Variants in GCN1 observed in about 807,000 individuals in gnomAD.
GCN1 encodes the protein stalled ribosome sensor GCN1.
In GCN1, 90 loss-of-function variants were observed where a neutral mutation model predicts 288.4. The observed-to-expected ratio is 0.31, with a 90% CI of 0.26 to 0.37. The LOEUF (loss-of-function observed/expected upper bound fraction) is 0.37. GCN1 is among the 10% of genes least tolerant of loss of function. The pLI, the probability that GCN1 is intolerant of heterozygous loss-of-function variation, is 1.00. For synonymous variants in GCN1, 1,386 were observed against 1,420.2 expected (o/e 0.98, Z 0.54); for missense variants, 2,586 against 3,419.9 (o/e 0.76, Z 6.08).
At position 120,156,332 on chromosome 12, in the gene GCN1, G is replaced by T; in HGVS notation, c.3312+129C>A. The stretch of plus-strand genomic sequence containing the variant: ...TGATTCTCAGAGAGACCCCAACCAT[G>T]TGACTTCTTCTCTTTGCCTCTAGGC... On this transcript the variant is annotated intron_variant, in intron 28 of 57. Coordinates refer to ENST00000300648, the MANE Select transcript of GCN1 (RefSeq NM_006836.2). The surrounding 1 kb of genome is among the most constrained non-coding windows in gnomAD (Gnocchi z 5.8). 2.4e-6 allele frequency: 2 copies of T among 837,372 alleles called. No individual in the cohort carries two copies. Among genetic ancestry groups the T allele is most frequent in the Non-Finnish European group, 3.8e-6 (2 of 526,916 alleles). 51.9% of individuals were successfully genotyped at this position (837,372 alleles called of 1,614,324 possible). A position where few individuals can be genotyped will look rare whatever the true frequency, so the allele number is the denominator to read the frequency against.
chr12:120,137,791 C>T lies in GCN1; in HGVS notation c.6417G>A (p.Val2139=), dbSNP rs763926674. Residue 2139 remains valine, a synonymous_variant, in exon 49 of 58, where the codon GTG becomes GTA. Coordinates refer to ENST00000300648, the MANE Select transcript of GCN1 (RefSeq NM_006836.2). The surrounding 1 kb of genome is among the most constrained non-coding windows in gnomAD (Gnocchi z 5.2). The stretch of plus-strand genomic sequence containing the variant: ...CTGTGTCATCCTCTACGGAGAGGAT[C>T]ACAGCCTGACAATTGGCCATCTCCT... ...EQLEMANCQA[V]ILSVEDDTGH... The T allele has an allele frequency of 6.2e-7, 1 of 1,613,676 alleles. No homozygotes were observed. The highest frequency in any genetic ancestry group is 1.1e-5 in the South Asian group (1 of 91,080).
intron 44 of GCN1, among the ~76,000 whole-genome samples, chr12:120,141,896 T>C (rs979795963): frequency 6.6e-6 from 1 of 152,174 alleles, no homozygotes; most frequent in African/African-American, 2.4e-5. Context: ...ATTTTACATC[T>C]CTTTGTGTGG....
rs547211956 is a variant in GCN1, at chr12:120,138,469, C to G, written c.6157-54G>C. 1.0e-5 allele frequency: 12 copies of G among 1,149,690 alleles called. No homozygotes were observed. In the South Asian group the frequency reaches 1.5e-4, roughly 14 times the overall value. The allele number at this position is 1,149,690 out of a possible 1,614,324, so 71.2% of individuals were successfully genotyped here. On this transcript the variant is annotated intron_variant, in intron 46 of 57. Coordinates refer to ENST00000300648, the MANE Select transcript of GCN1 (RefSeq NM_006836.2). ...GGAATCTGCATCTCTGCTGTCTCAA[C>G]CAGCCACCGCCAACTTCCTTCTCCA...
chr12:120,184,514 G>T (rs1274271239), intron 3 of GCN1, among the ~76,000 whole-genome samples: 1 of 152,186 alleles, frequency 6.6e-6, no homozygotes, highest in Non-Finnish European at 1.5e-5. Flanking sequence ...TAGGCCAGAC[G>T]ATTTAACACA....
intron 1 of GCN1, among the ~76,000 whole-genome samples, chr12:120,193,238 A>G (rs1394195439): frequency 6.6e-6 from 1 of 152,222 alleles, no homozygotes; most frequent in Non-Finnish European, 1.5e-5. Context: ...TGCACCACCC[A>G]ATACGGTAGC....
intron 16 of GCN1, among the ~76,000 whole-genome samples, chr12:120,165,477 ACT>A (rs1361080796): frequency 6.7e-6 from 1 of 148,860 alleles, no homozygotes; most frequent in Non-Finnish European, 1.5e-5. Flanking sequence ...GCCTATTTTT[ACT>A]TTTTTTGAGA....
rs1010455613 is a variant in GCN1, at chr12:120,127,771, T to C, written c.*78A>G. 2.0e-6 allele frequency: 3 copies of C among 1,510,872 alleles called. No homozygotes were observed. Among genetic ancestry groups the C allele is most frequent in the East Asian group, 2.3e-5 (1 of 43,900 alleles). 93.6% of individuals were successfully genotyped at this position (1,510,872 alleles called of 1,614,324 possible). A position where few individuals can be genotyped will look rare whatever the true frequency, so the allele number is the denominator to read the frequency against. On this transcript the variant is annotated 3_prime_UTR_variant, in exon 58 of 58. Coordinates refer to ENST00000300648, the MANE Select transcript of GCN1 (RefSeq NM_006836.2). ...GGAACGCCATCTTCCAAGCTCCCCA[T>C]TGGAACAAATGTATTTTCAAAAATG...
chr12:120,162,615 G>A (rs1484374119), intron 20 of GCN1, among the ~76,000 whole-genome samples: 1 of 152,188 alleles, frequency 6.6e-6, no homozygotes, highest in African/African-American at 2.4e-5. Context: ...AATGTTCCAA[G>A]GGCAACATGT....
chr12:120,185,373 T>C lies in GCN1; in HGVS notation c.122-486A>G, dbSNP rs963334037. 7.2e-5 allele frequency among the ~76,000 whole-genome samples: 11 copies of C among 152,300 alleles called. 2 individuals carry two copies. Among genetic ancestry groups the C allele is most frequent in the Admixed American group, 5.2e-4 (8 of 15,300 alleles). On this transcript the variant is annotated intron_variant, in intron 2 of 57. Coordinates refer to ENST00000300648, the MANE Select transcript of GCN1 (RefSeq NM_006836.2). ...TGTTTCTGAAAGTCTGAAGGACACA[T>C]AAGCTTGGCCTATCAGATTAGTAGG...
intron 2 of GCN1, among the ~76,000 whole-genome samples, chr12:120,189,655 C>T (rs1432285878): frequency 6.6e-6 from 1 of 152,112 alleles, no homozygotes; most frequent in Non-Finnish European, 1.5e-5. Flanking sequence ...GCGTGAGCCA[C>T]CGTGCCTGGC....
At chr12:120,148,114 G>A (rs1392818716) in intron 37 of GCN1, 53 bp downstream of exon 37, 1 of 1,363,572 alleles carries the variant, frequency 7.3e-7, no homozygotes, top group Non-Finnish European at 1.0e-6. Flanking sequence ...AGTGTCCAAA[G>A]GCTGCGGCGT....
At chr12:120,167,173 C>G (rs1322027258) in intron 16 of GCN1, among the ~76,000 whole-genome samples, 3 of 151,010 alleles carry the variant, frequency 2.0e-5, no homozygotes, top group South Asian at 2.1e-4. Context: ...AACCCCATCT[C>G]TACTAAGAAA....
At chr12:120,152,129 A>C (rs1387170950) in intron 33 of GCN1, among the ~76,000 whole-genome samples, 1 of 152,030 alleles carries the variant, frequency 6.6e-6, no homozygotes, top group African/African-American at 2.4e-5. Flanking sequence ...TCCTGGACTC[A>C]AGCAATCCTA....
chr12:120,154,851 G>C (rs890066369), intron 31 of GCN1, 119 bp downstream of exon 31: 11 of 1,219,800 alleles, frequency 9.0e-6, no homozygotes, highest in Non-Finnish European at 1.2e-5. Flanking sequence ...AGGCCTCCCC[G>C]ACTCTGAGGG....
In GCN1 at chr12:120,173,680, G is replaced by A; in HGVS notation, c.1339C>T (p.Leu447=). 3.1e-6 allele frequency: 5 copies of A among 1,611,624 alleles called. No homozygotes were observed. Among genetic ancestry groups the A allele is most frequent in the Non-Finnish European group, 4.2e-6 (5 of 1,177,682 alleles). ...CGGTAAGAGGCCAACATGCACTGCA[G>A]GTAGGCATGCCTCACCGCAGATGTG... The part of the protein sequence containing the change: ...TSTSAVRHAY[L]QCMLASYRGD... The change falls in exon 14 of 58, where the codon CTG becomes TTG. Residue 447 remains leucine (L), a synonymous_variant. Coordinates refer to ENST00000300648, the MANE Select transcript of GCN1 (RefSeq NM_006836.2).
intron 33 of GCN1, among the ~76,000 whole-genome samples, chr12:120,151,971 A>C (rs12310433): frequency 0.21 from 31,443 of 152,058 alleles, 3,903 homozygotes; most frequent in East Asian, 0.56. Flanking sequence ...ACCATATTTG[A>C]CCACAATTTT....
At chr12:120,146,421 G>A (rs1333672588) in intron 38 of GCN1, among the ~76,000 whole-genome samples, 2 of 151,810 alleles carry the variant, frequency 1.3e-5, no homozygotes, top group Non-Finnish European at 2.9e-5. Flanking sequence ...GTATTATCAC[G>A]GCGGTATTAT....
chr12:120,146,372 A>G lies in GCN1; in HGVS notation c.4947+680T>C, dbSNP rs551428291. ...TTAATTAATTAATTTACTTTTTAAG[A>G]CAGGGTCTTGCTCTGTCACCCCAGG... On this transcript the variant is annotated intron_variant, in intron 38 of 57. Coordinates refer to ENST00000300648, the MANE Select transcript of GCN1 (RefSeq NM_006836.2). 2.6e-5 allele frequency among the ~76,000 whole-genome samples: 4 copies of G among 151,978 alleles called. No individual in the cohort carries two copies. In the South Asian group the frequency reaches 8.3e-4, roughly 32 times the overall value.
chr12:120,161,918 G>T lies in GCN1; in HGVS notation c.2304C>A (p.Thr768=). 6.2e-7 allele frequency: 1 copy of T among 1,614,086 alleles called. No homozygotes were observed. Among genetic ancestry groups the T allele is most frequent in the Non-Finnish European group, 8.5e-7 (1 of 1,180,008 alleles). ...ATTTGTCATACAGCTCCCCAGCAGG[G>T]GTCTGCATAATGGCAAACTCCTCCC... The part of the protein sequence containing the change: ...VTREEFAIMQ[T]PAGELYDKSI... Residue 768 remains threonine, a synonymous_variant, in exon 21 of 58, where the codon ACC becomes ACA. Transcript: ENST00000300648.
Sources: gnomAD v4.1 joint callset for allele counts (sites outside exome capture counted in the v4.1 genomes callset) on GRCh38, gnomAD v4.1.1 for gene constraint, Gnocchi (gnomAD v3.1) non-coding constraint, MANE v1.5 for transcripts, NCBI Gene and HGNC (gene_info 2026-07-23, HGNC 2026-07-21) for gene names.